SPAG16: variants seen among roughly 807,000 people sequenced by gnomAD.
SPAG16 encodes sperm associated antigen 16, also known as sperm-associated antigen 16 protein.
In SPAG16, 86 loss-of-function variants were observed where a neutral mutation model predicts 80.4. The observed-to-expected ratio is 1.07, with a 90% confidence interval of 0.90 to 1.28. SPAG16 has a LOEUF of 1.28. Among genes scored for constraint, SPAG16 ranks in the 50% most tolerant of loss-of-function variants. The probability of loss-of-function intolerance (pLI) is 0.00; values close to 1 mark genes in which losing one functional copy is unlikely to be tolerated. For synonymous variants in SPAG16, 294 were observed against 265.9 expected, an observed-to-expected ratio of 1.11 and a Z score of -1.03; for missense variants, 870 against 765.3, an observed-to-expected ratio of 1.14 and a Z score of -1.61.
chr2:213,950,723 T>TTC, intron 12 of SPAG16, among the ~76,000 whole-genome samples: 1 of 128,942 alleles, frequency 7.8e-6, no homozygotes, highest in African/African-American at 3.0e-5. Flanking sequence ...TTTTTTTTTT[T>TTC]CCCTCAAGAC....
intron 14 of SPAG16, among the ~76,000 whole-genome samples, 199 bp from the exon 15 acceptor site, chr2:214,148,941 A>G (rs1348494487): frequency 1.3e-5 from 2 of 151,722 alleles, no homozygotes; most frequent in African/African-American, 4.8e-5. Flanking sequence ...AAAGTTATTA[A>G]CAACTATTTC....
intron 4 of SPAG16, among the ~76,000 whole-genome samples, chr2:213,314,262 A>G (rs1024061738): frequency 1.3e-5 from 2 of 151,884 alleles, no homozygotes; most frequent in Non-Finnish European, 1.5e-5. Flanking sequence ...TTTATTGGCA[A>G]TTTCATTAAG....
intron 10 of SPAG16, among the ~76,000 whole-genome samples, chr2:213,830,031 CG>C (rs1165257967): frequency 6.6e-6 from 1 of 152,124 alleles, no homozygotes; most frequent in Non-Finnish European, 1.5e-5. Context: ...CTAGGTCACA[CG>C]ACCCCAAGTC....
intron 15 of SPAG16, among the ~76,000 whole-genome samples, chr2:214,157,147 C>T (rs1269399064): frequency 6.6e-6 from 1 of 152,138 alleles, no homozygotes; most frequent in East Asian, 1.9e-4. Context: ...TCTTTGGATG[C>T]ACAAGTCTAT....
chr2:213,457,639 A>G (rs770353702), intron 9 of SPAG16, among the ~76,000 whole-genome samples: 82 of 151,932 alleles, frequency 5.4e-4, no homozygotes, highest in Non-Finnish European at 1.1e-3. Context: ...GCCAGACCAG[A>G]TTTATTTTTG....
intron 10 of SPAG16, among the ~76,000 whole-genome samples, chr2:213,776,283 T>C (rs2069570359): frequency 6.6e-6 from 1 of 152,136 alleles, no homozygotes; most frequent in Admixed American, 6.5e-5. Flanking sequence ...TCATGGGAGA[T>C]GTGATTGCAG....
At chr2:213,781,789 A>T (rs1297200414) in intron 10 of SPAG16, among the ~76,000 whole-genome samples, 2 of 152,320 alleles carry the variant, frequency 1.3e-5, no homozygotes, top group South Asian at 2.1e-4. Flanking sequence ...GTGTTCATTG[A>T]AGAGCTTTTT....
At position 213,732,336 on chromosome 2, in the gene SPAG16, C is replaced by G. The variant is rs936148052; in HGVS notation, c.1071-130149C>G. Among the ~76,000 whole-genome samples, 14 of 71,622 alleles carry G rather than the reference C, an allele frequency of 2.0e-4. No individual in the cohort carries two copies. In the South Asian group the frequency reaches 2.2e-3, roughly 12 times the overall value. The allele number at this position is 71,622 out of a possible 152,430, so 47.0% of individuals were successfully genotyped here. A position where few individuals can be genotyped will look rare whatever the true frequency, so the allele number is the denominator to read the frequency against. On this transcript the variant is annotated intron_variant, in intron 10 of 15. Transcript: ENST00000331683. ...TGAACTCCCATTCACGATTGCCCCC[C>G]CCGCAAAAAAAATGCCCAGGAATAC...
intron 12 of SPAG16, among the ~76,000 whole-genome samples, chr2:213,986,891 CAAAAAAAAAA>C (rs369965944): frequency 6.1e-4 from 35 of 57,648 alleles, no homozygotes; most frequent in African/African-American, 1.3e-3. Flanking sequence ...TCTGGTATAG[CAAAAAAAAAA>C]AAAAAAAAAA....
At chr2:213,604,777 C>T (rs907097226) in intron 10 of SPAG16, among the ~76,000 whole-genome samples, 6 of 151,744 alleles carry the variant, frequency 4.0e-5, no homozygotes, top group Non-Finnish European at 7.4e-5. Context: ...AATTCTTTAA[C>T]TCTTCTTCAT....
intron 10 of SPAG16, among the ~76,000 whole-genome samples, chr2:213,599,704 G>A (rs572157508): frequency 6.6e-6 from 1 of 152,122 alleles, no homozygotes; most frequent in East Asian, 1.9e-4. Flanking sequence ...TTTTTGTTTT[G>A]TTTTGTTTTG....
intron 10 of SPAG16, among the ~76,000 whole-genome samples, chr2:213,590,509 A>C (rs551235285): frequency 6.6e-6 from 1 of 152,278 alleles, no homozygotes; most frequent in Admixed American, 6.5e-5. Context: ...GACATTTCTC[A>C]AAAGAAGATG....
At chr2:214,038,160 CTT>C (rs1370346837) in intron 13 of SPAG16, among the ~76,000 whole-genome samples, 2 of 152,074 alleles carry the variant, frequency 1.3e-5, no homozygotes, top group Non-Finnish European at 2.9e-5. Flanking sequence ...GTATTGACCT[CTT>C]TTATTCTATT....
At chr2:214,156,134 A>G (rs1020482849) in intron 15 of SPAG16, among the ~76,000 whole-genome samples, 3 of 152,214 alleles carry the variant, frequency 2.0e-5, no homozygotes, top group Admixed American at 6.5e-5. Flanking sequence ...TGTTATTGAC[A>G]TTAGTTTTCA....
chr2:214,043,115 G>A (rs1172251186), intron 13 of SPAG16, among the ~76,000 whole-genome samples: 2 of 151,690 alleles, frequency 1.3e-5, no homozygotes, highest in East Asian at 1.9e-4. Context: ...TTTCACCTTA[G>A]TCATGCAGTT....
intron 14 of SPAG16, among the ~76,000 whole-genome samples, chr2:214,144,554 C>A (rs1460958490): frequency 6.6e-6 from 1 of 152,044 alleles, no homozygotes; most frequent in Non-Finnish European, 1.5e-5. Flanking sequence ...ACAAACAAAA[C>A]AAAGTTCCTT....
intron 9 of SPAG16, among the ~76,000 whole-genome samples, chr2:213,425,519 G>T (rs1054688534): frequency 6.6e-6 from 1 of 151,914 alleles, no homozygotes; most frequent in Non-Finnish European, 1.5e-5. Flanking sequence ...GGGTGTGGTG[G>T]CATGTGCCTG....
At chr2:214,280,990 G>T in intron 15 of SPAG16, 1 of 441,412 alleles carries the variant, frequency 2.3e-6, no homozygotes, top group Non-Finnish European at 4.4e-6. Flanking sequence ...GGAATCGTTT[G>T]GTACTGTAAG....
chr2:214,011,814 T>C (rs1016847406), intron 12 of SPAG16, among the ~76,000 whole-genome samples: 13 of 152,160 alleles, frequency 8.5e-5, no homozygotes, highest in African/African-American at 2.9e-4. Flanking sequence ...TGCTAAATAA[T>C]TTACATACAT....
Sources: gnomAD v4.1 joint callset for allele counts (sites outside exome capture counted in the v4.1 genomes callset) on GRCh38, gnomAD v4.1.1 for gene constraint, MANE v1.5 for transcripts, NCBI Gene and HGNC (gene_info 2026-07-23, HGNC 2026-07-21) for gene names.